TBC1D5: variants seen among roughly 807,000 people sequenced by gnomAD.
TBC1D5 encodes TBC1 domain family, member 5.
A neutral mutation model predicts 100.3 loss-of-function variants in TBC1D5; 75 were observed. The ratio of observed to expected loss-of-function variants is 0.75; its 90% CI spans 0.62 to 0.91. The LOEUF is 0.91. TBC1D5 is among the 40% of genes least tolerant of loss of function. The pLI is 0.00. For missense variants in TBC1D5, 910 were observed against 942.4 expected (o/e 0.97, Z 0.45); for synonymous variants, 323 against 325.6 (o/e 0.99, Z 0.09).
chr3:17,425,290 T>G (rs2094310046), intron 4 of TBC1D5, among the ~76,000 whole-genome samples: 1 of 152,208 alleles, frequency 6.6e-6, no homozygotes, highest in Admixed American at 6.5e-5. Context: ...TTCAAAGTAT[T>G]TGGAATCAGG....
chr3:17,662,285 A>G (rs2066741008), intron 1 of TBC1D5, among the ~76,000 whole-genome samples: 1 of 152,142 alleles, frequency 6.6e-6, no homozygotes, highest in Admixed American at 6.5e-5. Flanking sequence ...CACAGACATT[A>G]TTTCTCATTA....
At chr3:17,172,876 G>A (rs929240659) in intron 19 of TBC1D5, among the ~76,000 whole-genome samples, 6 of 152,294 alleles carry the variant, frequency 3.9e-5, no homozygotes, top group African/African-American at 1.4e-4. Context: ...GGTGGTGAGG[G>A]TGTTAGTGAG....
chr3:17,366,100 G>A (rs947411631), intron 13 of TBC1D5, among the ~76,000 whole-genome samples: 21 of 151,990 alleles, frequency 1.4e-4, no homozygotes, highest in Non-Finnish European at 2.8e-4. Flanking sequence ...GATCAACCTG[G>A]GCAACATAGT....
chr3:17,163,300 G>A (rs2066271676), intron 21 of TBC1D5, among the ~76,000 whole-genome samples: 1 of 142,728 alleles, frequency 7.0e-6, no homozygotes, highest in African/African-American at 2.6e-5. Flanking sequence ...TCAAGAAAAC[G>A]AGCCCAAATA....
chr3:17,696,556 G>A (rs1394558373), intron 1 of TBC1D5, among the ~76,000 whole-genome samples: 1 of 152,076 alleles, frequency 6.6e-6, no homozygotes, highest in African/African-American at 2.4e-5. Context: ...AAACCAGCAA[G>A]AAGTTGAATC....
intron 17 of TBC1D5, among the ~76,000 whole-genome samples, chr3:17,232,729 C>CAT (rs1224100849): frequency 3.9e-5 from 6 of 152,110 alleles, no homozygotes; most frequent in Non-Finnish European, 8.8e-5. Flanking sequence ...TAACCCAATA[C>CAT]ATCAATCTCT....
chr3:17,734,797 A>G (rs758746029), intron 1 of TBC1D5, among the ~76,000 whole-genome samples: 2 of 152,216 alleles, frequency 1.3e-5, no homozygotes, highest in African/African-American at 4.8e-5. Flanking sequence ...ACTGTTAAAG[A>G]TGGGCAACCC....
intron 17 of TBC1D5, among the ~76,000 whole-genome samples, chr3:17,216,385 G>A (rs2073636527): frequency 6.6e-6 from 1 of 152,036 alleles, no homozygotes; most frequent in African/African-American, 2.4e-5. Flanking sequence ...AGACTTGTTA[G>A]ATCTGTATCA....
chr3:17,693,697 C>T (rs1283252290), intron 1 of TBC1D5, among the ~76,000 whole-genome samples: 2 of 152,224 alleles, frequency 1.3e-5, no homozygotes, highest in Admixed American at 1.3e-4. Context: ...CAGATTTAAA[C>T]GTCCCTGTCT....
In TBC1D5 at chr3:17,694,797, A is replaced by G. The variant is rs144464914; in HGVS notation, c.-101+44546T>C. Among the ~76,000 whole-genome samples the G allele has an allele frequency of 9.1e-3, 1,386 of 152,320 alleles. 85 individuals are homozygous for G. The highest frequency in any genetic ancestry group is 0.072 in the Admixed American group (1,108 of 15,294). On this transcript the variant is annotated intron_variant, in intron 1 of 21. Coordinates refer to ENST00000253692, the Ensembl canonical transcript of TBC1D5. ...AGCAACCCCAAGACACACAATTGTC[A>G]GATTCACTAAGGTTGAAATGAAGGA...
intron 15 of TBC1D5, among the ~76,000 whole-genome samples, chr3:17,260,648 T>C (rs1441804169): frequency 6.6e-6 from 1 of 152,208 alleles, no homozygotes; most frequent in East Asian, 1.9e-4. Flanking sequence ...TTCTTTTCTG[T>C]TGGGAAGACA....
At chr3:17,411,346 CTT>C (rs757795881) in intron 4 of TBC1D5, among the ~76,000 whole-genome samples, 132 of 152,254 alleles carry the variant, frequency 8.7e-4, no homozygotes, top group Non-Finnish European at 1.7e-3. Context: ...ACGTGACTCA[CTT>C]TATTCCAATA....
chr3:17,341,616 T>C (rs148421728), intron 13 of TBC1D5, among the ~76,000 whole-genome samples: 1 of 152,312 alleles, frequency 6.6e-6, no homozygotes, highest in African/African-American at 2.4e-5. Context: ...ATTCAATTCT[T>C]GGGAGGCTGA....
intron 1 of TBC1D5, among the ~76,000 whole-genome samples, chr3:17,705,338 TG>T (rs2073955219): frequency 2.5e-5 from 1 of 40,676 alleles, no homozygotes; most frequent in Non-Finnish European, 5.1e-5. Context: ...CTGGCCGGGC[TG>T]GGGGCTGACC....
intron 1 of TBC1D5, among the ~76,000 whole-genome samples, chr3:17,704,111 T>G (rs912426207): frequency 2.1e-5 from 3 of 142,288 alleles, no homozygotes; most frequent in East Asian, 2.1e-4. Context: ...AGATTAGGGA[T>G]TGGTGATGAC....
intron 3 of TBC1D5, among the ~76,000 whole-genome samples, chr3:17,451,081 T>C: frequency 6.6e-6 from 1 of 152,128 alleles, no homozygotes; most frequent in Non-Finnish European, 1.5e-5. Flanking sequence ...ATATTCAACA[T>C]CCTTAAAGAA....
intron 1 of TBC1D5, among the ~76,000 whole-genome samples, chr3:17,720,752 C>T (rs991085281): frequency 1.3e-5 from 2 of 151,224 alleles, no homozygotes; most frequent in Non-Finnish European, 2.9e-5. Context: ...GAAATCAAGG[C>T]TGTATTTAGA....
chr3:17,479,588 T>C (rs1003945308), intron 3 of TBC1D5, among the ~76,000 whole-genome samples: 1 of 152,136 alleles, frequency 6.6e-6, no homozygotes, highest in Non-Finnish European at 1.5e-5. Context: ...TTAACACCAG[T>C]AATCCCAGCA....
At chr3:17,284,941 A>AT (rs779516964) in intron 15 of TBC1D5, among the ~76,000 whole-genome samples, 21 of 152,188 alleles carry the variant, frequency 1.4e-4, no homozygotes, top group Non-Finnish European at 2.8e-4. Flanking sequence ...AAAAGGAAAT[A>AT]TTAGTCACAC....
Sources: allele counts gnomAD v4.1 joint callset (sites outside exome capture counted in the v4.1 genomes callset), GRCh38; gene constraint gnomAD v4.1.1; transcripts MANE v1.5; gene names NCBI Gene and HGNC (gene_info 2026-07-23, HGNC 2026-07-21).